The following ATP9B variants were observed in gnomAD, a reference collection of about 807,000 sequenced individuals.
ATP9B encodes the protein ATPase phospholipid transporting 9B.
ATP9B carries 110 observed loss-of-function variants against 146.1 expected under a neutral mutation model. The observed-to-expected ratio is 0.75, with a 90% confidence interval of 0.65 to 0.88. The LOEUF is 0.88. Among genes scored for constraint, ATP9B ranks in the 40% least tolerant of loss-of-function variants. The pLI is 0.00. For missense variants in ATP9B, 1,499 were observed against 1,496.4 expected (o/e 1.00, Z -0.03); for synonymous variants, 604 against 569.7 (o/e 1.06, Z -0.86).
chr18:79,164,657 T>A (rs2094938039), intron 7 of ATP9B, among the ~76,000 whole-genome samples: 1 of 152,058 alleles, frequency 6.6e-6, no homozygotes, highest in East Asian at 1.9e-4. Flanking sequence ...AGGTGGAGTT[T>A]GCAGTGAGCT....
chr18:79,072,798 G>C (rs899729931), intron 1 of ATP9B, among the ~76,000 whole-genome samples: 2 of 151,986 alleles, frequency 1.3e-5, no homozygotes, highest in Non-Finnish European at 2.9e-5. Context: ...CTCCCAGATG[G>C]GGTGGCTGCC....
intron 2 of ATP9B, among the ~76,000 whole-genome samples, chr18:79,109,621 A>G (rs1443253952): frequency 2.0e-5 from 3 of 148,174 alleles, no homozygotes; most frequent in Non-Finnish European, 4.4e-5. Flanking sequence ...GCTGAAGTGC[A>G]GTGGCATTGT....
At position 79,254,204 on chromosome 18, in the gene ATP9B, G is replaced by A. The variant is rs181806583; in HGVS notation, c.1268+663G>A. 5.2e-5 allele frequency: 8 copies of A among 152,440 alleles called. No homozygotes were observed. The East Asian group carries it at 1.5e-3, about 29-fold the overall frequency. 9.4% of individuals were successfully genotyped at this position (152,440 alleles called of 1,614,324 possible). On this transcript the variant is annotated intron_variant, in intron 12 of 29. Transcript: ENST00000426216. ...TAATGATGGATAAAGTATGAATCTA[G>A]AATATCTACCTTTTGTAACAGAGAA...
intron 15 of ATP9B, among the ~76,000 whole-genome samples, chr18:79,323,525 T>C (rs1295495261): frequency 6.6e-6 from 1 of 152,180 alleles, no homozygotes; most frequent in Non-Finnish European, 1.5e-5. Context: ...AACCTTTTTT[T>C]CTTAGCTCCC....
At position 79,126,353 on chromosome 18, in the gene ATP9B, A is replaced by T. The variant is rs1451382679; in HGVS notation, c.645A>T (p.Leu215=). The T allele has an allele frequency of 1.2e-6, 2 of 1,611,066 alleles. No homozygotes were observed. Among genetic ancestry groups the T allele is most frequent in the Non-Finnish European group, 1.7e-6 (2 of 1,178,050 alleles). ...FQRDKEVNSQ[L]YSKLTVRGKV... ...GTGACAAGGAAGTGAATTCACAACT[A>T]TATAGCAAGCTTACAGTAAGAGGTC... is the stretch of plus-strand genomic sequence containing the variant. The change falls in exon 5 of 30, where the codon CTA becomes CTT. Residue 215 remains leucine (L), a synonymous_variant. Transcript: ENST00000426216.
chr18:79,164,923 T>C (rs1369370386), intron 7 of ATP9B, among the ~76,000 whole-genome samples: 3 of 151,980 alleles, frequency 2.0e-5, no homozygotes, highest in Non-Finnish European at 4.4e-5. Flanking sequence ...AATGAGGGTA[T>C]TATGGATGTG....
At chr18:79,199,374 T>C (rs967721522) in intron 9 of ATP9B, among the ~76,000 whole-genome samples, 5 of 152,244 alleles carry the variant, frequency 3.3e-5, no homozygotes, top group Non-Finnish European at 7.3e-5. Flanking sequence ...CACAAACACA[T>C]TGTACACCTG....
intron 1 of ATP9B, among the ~76,000 whole-genome samples, chr18:79,070,684 G>A (rs2071620897): frequency 7.1e-6 from 1 of 139,978 alleles, no homozygotes; most frequent in Admixed American, 7.1e-5. Flanking sequence ...GTACTTTGAA[G>A]CACTGTCATG....
chr18:79,208,108 G>A (rs964885199), intron 10 of ATP9B, among the ~76,000 whole-genome samples: 8 of 152,134 alleles, frequency 5.3e-5, no homozygotes, highest in Non-Finnish European at 1.0e-4. Flanking sequence ...AGCCGGGCGT[G>A]GTGGCGGGCG....
At position 79,110,684 on chromosome 18, in the gene ATP9B, T is replaced by G. The variant is rs576591905; in HGVS notation, c.444+179T>G. ...ATAATCGCTAAATAATTCATATGTATTTTTAATGGCTACATCATAGAGTTC... is the reference window on the plus strand; with the variant it reads ...ATAATCGCTAAATAATTCATATGTAGTTTTAATGGCTACATCATAGAGTTC... On this transcript the variant is annotated intron_variant, in intron 3 of 29. Coordinates refer to ENST00000426216, the MANE Select transcript of ATP9B (RefSeq NM_198531.5). Among the ~76,000 whole-genome samples the G allele has an allele frequency of 2.6e-5, 4 of 152,340 alleles. No homozygotes were observed. In the East Asian group the frequency reaches 7.7e-4, roughly 29 times the overall value.
intron 12 of ATP9B, among the ~76,000 whole-genome samples, chr18:79,264,526 C>A (rs1184967006): frequency 7.3e-6 from 1 of 137,100 alleles, no homozygotes; most frequent in African/African-American, 2.6e-5. Flanking sequence ...TTTTACATGC[C>A]AAATATATGA....
At chr18:79,339,311 A>ACAGTAGGAAGTGTGTCATGATCG (rs2096844805) in intron 19 of ATP9B, among the ~76,000 whole-genome samples, 1 of 11,080 alleles carries the variant, frequency 9.0e-5, no homozygotes, top group Non-Finnish European at 1.7e-4. Context: ...TGTCATGATC[A>ACAGTAGGAAGTGTGTCATGATCG]CAGTAGGAAG....
At chr18:79,233,809 C>T (rs2095814282) in intron 11 of ATP9B, among the ~76,000 whole-genome samples, 2 of 152,200 alleles carry the variant, frequency 1.3e-5, no homozygotes, top group Non-Finnish European at 2.9e-5. Flanking sequence ...TTACCAGTAA[C>T]ACAGACCGTC....
chr18:79,228,258 T>G (rs981634785), intron 11 of ATP9B, among the ~76,000 whole-genome samples: 1 of 152,240 alleles, frequency 6.6e-6, no homozygotes, highest in African/African-American at 2.4e-5. Flanking sequence ...TGTACCAGAC[T>G]CCTCTGCCCG....
chr18:79,326,524 G>A (rs2096747578), intron 15 of ATP9B, among the ~76,000 whole-genome samples: 1 of 150,796 alleles, frequency 6.6e-6, no homozygotes, highest in African/African-American at 2.4e-5. Context: ...TGGTGTTAGT[G>A]TGTCATCTCT....
chr18:79,300,792 C>T (rs1599768316), intron 13 of ATP9B, among the ~76,000 whole-genome samples: 1 of 152,174 alleles, frequency 6.6e-6, no homozygotes, highest in Non-Finnish European at 1.5e-5. Flanking sequence ...AGTAATTGTT[C>T]GCTCTTGGTA....
At chr18:79,210,248 T>A (rs1478141711) in intron 10 of ATP9B, among the ~76,000 whole-genome samples, 1 of 151,916 alleles carries the variant, frequency 6.6e-6, no homozygotes, top group East Asian at 1.9e-4. Flanking sequence ...TACAAAGGAG[T>A]GTTCCTGATA....
In ATP9B at chr18:79,238,966, G is replaced by A. The variant is rs138001528; in HGVS notation, c.1108-14415G>A. On this transcript the variant is annotated intron_variant, in intron 11 of 29. Coordinates refer to ENST00000426216, the MANE Select transcript of ATP9B (RefSeq NM_198531.5). ...GGAGAAATAGGTATATTTTTATCAC[G>A]TCAGTAAGAACGAGAAGACGGTCAC... is the stretch of plus-strand genomic sequence containing the variant. Among the ~76,000 whole-genome samples, 328 of 152,312 alleles carry A rather than the reference G, an allele frequency of 2.2e-3. 4 individuals carry two copies. Among genetic ancestry groups the A allele is most frequent in the Admixed American group, 0.019 (296 of 15,304 alleles).
intron 15 of ATP9B, among the ~76,000 whole-genome samples, chr18:79,315,434 T>C (rs2096673992): frequency 6.6e-6 from 1 of 152,210 alleles, no homozygotes; most frequent in African/African-American, 2.4e-5. Flanking sequence ...ATGATCAAAT[T>C]GCATCTTATG....
Sources: allele counts gnomAD v4.1 joint callset (sites outside exome capture counted in the v4.1 genomes callset), GRCh38; gene constraint gnomAD v4.1.1; transcripts MANE v1.5; gene names NCBI Gene and HGNC (gene_info 2026-07-23, HGNC 2026-07-21).